The following SAMMSON variants were observed in gnomAD, a reference collection of about 807,000 sequenced individuals.
SAMMSON encodes the protein survival associated mitochondrial melanoma specific oncogenic non-coding RNA.
intron 2 of SAMMSON, among the ~76,000 whole-genome samples, chr3:70,428,508 A>G (rs1386124602): frequency 6.6e-6 from 1 of 152,234 alleles, no homozygotes; most frequent in African/African-American, 2.4e-5. Flanking sequence ...TGATACTGAA[A>G]CAATGGGATA....
intron 7 of SAMMSON, among the ~76,000 whole-genome samples, chr3:70,294,177 T>C (rs1196821498): frequency 6.6e-6 from 1 of 152,172 alleles, no homozygotes; most frequent in African/African-American, 2.4e-5. Context: ...AACTAGTGTA[T>C]AGAAATTTAC....
chr3:70,254,291 T>A (rs1466165664), intron 6 of SAMMSON, among the ~76,000 whole-genome samples: 1 of 152,218 alleles, frequency 6.6e-6, no homozygotes, highest in Non-Finnish European at 1.5e-5. Context: ...CTTAAGGGAT[T>A]CTTTTTTCAA....
intron 4 of SAMMSON, among the ~76,000 whole-genome samples, chr3:70,191,389 T>C (rs1701130817): frequency 1.3e-5 from 2 of 152,198 alleles, no homozygotes; most frequent in South Asian, 4.1e-4. Context: ...AACCCTCTGG[T>C]GGAATGCTGA....
At chr3:70,132,314 T>A (rs2067485882) in intron 4 of SAMMSON, among the ~76,000 whole-genome samples, 2 of 152,182 alleles carry the variant, frequency 1.3e-5, no homozygotes, top group East Asian at 3.9e-4. Flanking sequence ...AGGGCCTTTT[T>A]GTCCTCTGCT....
intron 1 of SAMMSON, among the ~76,000 whole-genome samples, chr3:70,003,938 G>C (rs1042117267): frequency 4.0e-5 from 6 of 151,726 alleles, no homozygotes; most frequent in Admixed American, 3.9e-4. Context: ...GCTTTAATTT[G>C]CATATATTTT....
chr3:70,020,929 T>C (rs527628882), intron 3 of SAMMSON, among the ~76,000 whole-genome samples: 1 of 152,256 alleles, frequency 6.6e-6, no homozygotes, highest in Admixed American at 6.5e-5. Flanking sequence ...TGCCAGAAAG[T>C]GAGAAAATGG....
intron 4 of SAMMSON, among the ~76,000 whole-genome samples, chr3:70,174,179 T>C (rs1700986487): frequency 6.6e-6 from 1 of 152,046 alleles, no homozygotes; most frequent in Non-Finnish European, 1.5e-5. Flanking sequence ...TGATTTGTAT[T>C]CATTTTCAGG....
intron 4 of SAMMSON, among the ~76,000 whole-genome samples, chr3:70,216,394 C>T (rs568709481): frequency 5.3e-5 from 8 of 151,718 alleles, no homozygotes; most frequent in Admixed American, 1.3e-4. Context: ...TATATTAACC[C>T]ATTTAATACT....
chr3:70,350,607 CTATT>C (rs1702787276), intron 7 of SAMMSON, among the ~76,000 whole-genome samples: 1 of 152,014 alleles, frequency 6.6e-6, no homozygotes, highest in Non-Finnish European at 1.5e-5. Context: ...AAATATAAAA[CTATT>C]TTATGTATGT....
At chr3:70,248,909 A>G (rs1408091760) in intron 4 of SAMMSON, among the ~76,000 whole-genome samples, 1 of 152,152 alleles carries the variant, frequency 6.6e-6, no homozygotes, top group African/African-American at 2.4e-5. Flanking sequence ...CTTACCAGGA[A>G]ATGGGCTAAG....
chr3:70,073,649 C>A (rs1036847999), intron 4 of SAMMSON, among the ~76,000 whole-genome samples: 7 of 151,828 alleles, frequency 4.6e-5, no homozygotes, highest in African/African-American at 1.2e-4. Context: ...TTCTCTCTTT[C>A]CCCTTTCCCT....
At chr3:70,244,924 A>G (rs562831066) in intron 4 of SAMMSON, among the ~76,000 whole-genome samples, 25 of 152,312 alleles carry the variant, frequency 1.6e-4, no homozygotes, top group Non-Finnish European at 2.8e-4. Context: ...CTTCAGGACT[A>G]TAAATTCTGA....
intron 4 of SAMMSON, among the ~76,000 whole-genome samples, chr3:70,168,431 G>A (rs1304517460): frequency 6.6e-6 from 1 of 151,988 alleles, no homozygotes; most frequent in Non-Finnish European, 1.5e-5. Context: ...ACCAGGAAGA[G>A]TCATGTGCTT....
In SAMMSON at chr3:70,117,531, G is replaced by T. The variant is rs182877968; in HGVS notation, n.507+45966G>T. On this transcript the variant is annotated intron_variant and non_coding_transcript_variant, in intron 4 of 9. Transcript: ENST00000642114. ...TCATCAATTCTTCTTGCCTTCAATT[G>T]ATTGAAAAGTTAAATTATACAGAGA... 2.2e-3 allele frequency among the ~76,000 whole-genome samples: 330 copies of T among 152,280 alleles called. 2 individuals carry two copies. The highest frequency in any genetic ancestry group is 0.011 in the South Asian group (53 of 4,816).
intron 4 of SAMMSON, among the ~76,000 whole-genome samples, chr3:70,210,002 T>C (rs568926560): frequency 6.6e-6 from 1 of 152,236 alleles, no homozygotes; most frequent in Admixed American, 6.5e-5. Flanking sequence ...GCTATTTACT[T>C]AACAGAATTA....
At chr3:70,111,031 G>C (rs945516400) in intron 4 of SAMMSON, among the ~76,000 whole-genome samples, 11 of 152,176 alleles carry the variant, frequency 7.2e-5, no homozygotes, top group African/African-American at 2.7e-4. Flanking sequence ...TTAGCCAAAT[G>C]ATGGGAAGGC....
intron 7 of SAMMSON, among the ~76,000 whole-genome samples, chr3:70,292,551 A>G (rs6783522): frequency 0.21 from 31,655 of 152,056 alleles, 3,498 homozygotes; most frequent in South Asian, 0.28. Context: ...AAAAAAGGAT[A>G]GTTTATAAAC....
chr3:70,273,739 A>G (rs1004961370), intron 6 of SAMMSON, among the ~76,000 whole-genome samples: 1 of 152,234 alleles, frequency 6.6e-6, no homozygotes, highest in African/African-American at 2.4e-5. Flanking sequence ...TTTAAAGAGT[A>G]GCTTTTTCAG....
At chr3:70,308,051 A>G (rs867808020) in intron 7 of SAMMSON, among the ~76,000 whole-genome samples, 1 of 151,904 alleles carries the variant, frequency 6.6e-6, no homozygotes, top group Non-Finnish European at 1.5e-5. Flanking sequence ...TGCCTGGTGC[A>G]TATATTTTAT....
Sources: gnomAD v4.1 joint callset for allele counts (sites outside exome capture counted in the v4.1 genomes callset) on GRCh38, gnomAD v4.1.1 for gene constraint, MANE v1.5 for transcripts, NCBI Gene and HGNC (gene_info 2026-07-23, HGNC 2026-07-21) for gene names.